SORT1: variants seen among roughly 807,000 people sequenced by gnomAD.
The protein encoded by SORT1 is sortilin.
Under a neutral mutation model 101.7 loss-of-function variants are expected in SORT1, and 39 were observed. The observed-to-expected ratio is 0.38, with a 90% confidence interval of 0.30 to 0.50. The LOEUF is 0.50. SORT1 is among the 20% of genes least tolerant of loss of function. The probability of loss-of-function intolerance (pLI) is 0.90; values close to 1 mark genes in which losing one functional copy is unlikely to be tolerated. For synonymous variants in SORT1, 396 were observed against 393.7 expected (o/e 1.01, Z -0.07); for missense variants, 878 against 1,040.4 (o/e 0.84, Z 2.15).
At chr1:109,369,772 T>C (rs1201609085) in intron 1 of SORT1, among the ~76,000 whole-genome samples, 183 bp from the exon 2 acceptor site, 1 of 152,148 alleles carries the variant, frequency 6.6e-6, no homozygotes, top group African/African-American at 2.4e-5. Context: ...GAATCACAAA[T>C]AACTTGGAAA....
Position 109,309,761 on chromosome 1 carries a change from G to C in SORT1, c.*4282C>G, listed in dbSNP as rs2101504807. Reference sequence around the variant, plus strand: ...TAATGTGTAACTGACGTGGGTCACTGAAACTCGATTATCCCACCTCACATG... The same window carrying C: ...TAATGTGTAACTGACGTGGGTCACTCAAACTCGATTATCCCACCTCACATG... On this transcript the variant is annotated 3_prime_UTR_variant, in exon 20 of 20. Coordinates refer to ENST00000256637, the MANE Select transcript of SORT1 (RefSeq NM_002959.7). The C allele has an allele frequency of 6.6e-6, 1 of 152,350 alleles. No homozygotes were observed. The highest frequency in any genetic ancestry group is 1.9e-4 in the East Asian group (1 of 5,186). The allele number at this position is 152,350 out of a possible 1,614,324, so 9.4% of individuals were successfully genotyped here. A position where few individuals can be genotyped will look rare whatever the true frequency, so the allele number is the denominator to read the frequency against.
intron 3 of SORT1, among the ~76,000 whole-genome samples, chr1:109,359,811 C>G (rs769607583): frequency 4.6e-5 from 7 of 152,100 alleles, no homozygotes; most frequent in Non-Finnish European, 5.9e-5. Flanking sequence ...AAAGTCTTAA[C>G]TTGTTCCAGC....
At chr1:109,361,791 C>T (rs1650738747) in intron 3 of SORT1, among the ~76,000 whole-genome samples, 2 of 152,134 alleles carry the variant, frequency 1.3e-5, no homozygotes. Context: ...TACTCATGGT[C>T]CCTTGCCAGT....
intron 11 of SORT1, among the ~76,000 whole-genome samples, chr1:109,335,578 C>T (rs1648755983): frequency 6.6e-6 from 1 of 150,948 alleles, no homozygotes; most frequent in African/African-American, 2.4e-5. Context: ...CGGGAACTAC[C>T]GGTACTTCAG....
At chr1:109,359,647 G>T (rs1650579007) in intron 3 of SORT1, among the ~76,000 whole-genome samples, 1 of 152,060 alleles carries the variant, frequency 6.6e-6, no homozygotes, top group Non-Finnish European at 1.5e-5. Context: ...TTACAGGTAT[G>T]TGCCACCACA....
At chr1:109,372,898 CAA>C (rs34712891) in intron 1 of SORT1, among the ~76,000 whole-genome samples, 14 of 98,240 alleles carry the variant, frequency 1.4e-4, no homozygotes, top group Admixed American at 1.1e-4. Flanking sequence ...GGCTCCGTCT[CAA>C]AAAAAAAAAA....
intron 3 of SORT1, among the ~76,000 whole-genome samples, chr1:109,362,256 T>C (rs765633649): frequency 7.2e-5 from 11 of 152,210 alleles, no homozygotes; most frequent in Non-Finnish European, 1.5e-4. Context: ...GACCAGAAGT[T>C]TGCAGAAACC....
At chr1:109,375,198 G>T (rs1203065113) in intron 1 of SORT1, among the ~76,000 whole-genome samples, 1 of 152,072 alleles carries the variant, frequency 6.6e-6, no homozygotes, top group African/African-American at 2.4e-5. Context: ...TTTTGAAGTA[G>T]AACAACTTCA....
chr1:109,317,072 A>T (rs894992157), intron 16 of SORT1, 114 bp from the exon 17 acceptor site: 2 of 699,124 alleles, frequency 2.9e-6, no homozygotes, highest in African/African-American at 3.6e-5. Context: ...TCCTTACGTC[A>T]TGTTTCAGGC....
At chr1:109,343,156 C>T (rs1234553599) in intron 8 of SORT1, among the ~76,000 whole-genome samples, 2 of 152,130 alleles carry the variant, frequency 1.3e-5, no homozygotes, top group African/African-American at 4.8e-5. Context: ...TACTCAATTT[C>T]CTCACCTATA....
intron 4 of SORT1, among the ~76,000 whole-genome samples, chr1:109,354,985 G>T (rs1650210897): frequency 6.6e-6 from 1 of 151,938 alleles, no homozygotes; most frequent in Admixed American, 6.6e-5. Flanking sequence ...AGCACTTCAG[G>T]GGCTGAGGTG....
chr1:109,352,761 C>A (rs1309938586), intron 5 of SORT1, among the ~76,000 whole-genome samples: 1 of 152,186 alleles, frequency 6.6e-6, no homozygotes, highest in Non-Finnish European at 1.5e-5. Flanking sequence ...ATTATATGTA[C>A]TTCAGATTTA....
chr1:109,326,725 G>A (rs1039216748), intron 13 of SORT1: 1 of 245,190 alleles, frequency 4.1e-6, no homozygotes, highest in Non-Finnish European at 7.7e-6. Flanking sequence ...CAAAATGCTG[G>A]GATTACAGGC....
intron 3 of SORT1, among the ~76,000 whole-genome samples, chr1:109,361,745 T>A (rs569770826): frequency 1.3e-5 from 2 of 152,322 alleles, no homozygotes; most frequent in South Asian, 4.1e-4. Context: ...GTAAATTTGT[T>A]TACCTTCTTA....
intron 15 of SORT1, among the ~76,000 whole-genome samples, chr1:109,321,502 T>G (rs1647623988): frequency 6.6e-6 from 1 of 152,118 alleles, no homozygotes. Flanking sequence ...TGTTACAGGT[T>G]TATCGATGAC....
At position 109,397,420 on chromosome 1, in the gene SORT1, G is replaced by A. The variant is rs538661582; in HGVS notation, c.306+167C>T. On this transcript the variant is annotated intron_variant, in intron 1 of 19. Transcript: ENST00000256637. ...AAAACACAGCCCCGCCGGCCGCCCG[G>A]GCCCGACTCCGCCCGCCCGCCCGCC... The A allele has an allele frequency of 6.3e-5, 15 of 238,788 alleles. No homozygotes were observed. In the South Asian group the frequency reaches 2.2e-3, roughly 34 times the overall value. The allele number at this position is 238,788 out of a possible 1,614,324, so 14.8% of individuals were successfully genotyped here.
intron 1 of SORT1, among the ~76,000 whole-genome samples, chr1:109,383,243 G>C (rs1652371277): frequency 6.6e-6 from 1 of 152,172 alleles, no homozygotes; most frequent in African/African-American, 2.4e-5. Context: ...GACCCCATCA[G>C]GAGCAGCCTT....
intron 3 of SORT1, among the ~76,000 whole-genome samples, chr1:109,361,917 A>C (rs1650745859): frequency 6.6e-6 from 1 of 152,192 alleles, no homozygotes. Context: ...ACTATAAATA[A>C]GTGTCCTTTT....
rs1466139770 is a variant in SORT1, at chr1:109,397,764, GGGC to G, written c.126_128del (p.Pro43del). 38 of 1,206,766 alleles carry G rather than the reference GGGC, an allele frequency of 3.1e-5. No homozygotes were observed. The highest frequency in any genetic ancestry group is 3.1e-4 in the South Asian group (12 of 38,882). 74.8% of individuals were successfully genotyped at this position (1,206,766 alleles called of 1,614,324 possible). On this transcript the variant is annotated inframe_deletion, in exon 1 of 20. Transcript: ENST00000256637. ...CAGACCAGCGCGGCAGCGGCGCAGC[GGGC>G]GGCGGCGGCGCGTCCAGCCGGTCCT...
Sources: allele counts gnomAD v4.1 joint callset (sites outside exome capture counted in the v4.1 genomes callset), GRCh38; gene constraint gnomAD v4.1.1; transcripts MANE v1.5; gene names NCBI Gene and HGNC (gene_info 2026-07-23, HGNC 2026-07-21).